Variants in RPF2 observed in about 807,000 individuals in gnomAD.
RPF2 encodes the protein ribosome production factor 2 homolog.
A neutral mutation model predicts 38.9 loss-of-function variants in RPF2; 21 were observed. The observed-to-expected ratio is 0.54, with a 90% CI of 0.38 to 0.78. The LOEUF is 0.78. Among genes scored for constraint, RPF2 ranks in the 30% least tolerant of loss-of-function variants. RPF2 has a pLI of 0.00. For synonymous variants in RPF2, 121 were observed against 126.2 expected (o/e 0.96, Z 0.28); for missense variants, 314 against 358.1 (o/e 0.88, Z 0.99).
intron 7 of RPF2, among the ~76,000 whole-genome samples, chr6:111,012,190 C>T (rs1230423303): frequency 1.6e-5 from 2 of 123,154 alleles, no homozygotes; most frequent in Admixed American, 8.7e-5. Context: ...TTTTTTGAGA[C>T]AGGGTCTCAC....
chr6:110,990,124 G>A (rs1026407831), intron 3 of RPF2, among the ~76,000 whole-genome samples: 1 of 151,506 alleles, frequency 6.6e-6, no homozygotes, highest in African/African-American at 2.4e-5. Flanking sequence ...TTTTAGTAGA[G>A]ACGGGATTTC....
chr6:110,984,062 A>G (rs1400776248), intron 1 of RPF2, among the ~76,000 whole-genome samples: 1 of 152,078 alleles, frequency 6.6e-6, no homozygotes, highest in Admixed American at 6.6e-5. Flanking sequence ...TAAGAATTGT[A>G]ACTCTCAGGA....
rs1211102033 is a variant in RPF2, at chr6:110,997,169, A to C, written c.235-14A>C. On this transcript the variant is annotated splice_polypyrimidine_tract_variant and intron_variant, in intron 4 of 9. Coordinates refer to ENST00000441448, the MANE Select transcript of RPF2 (RefSeq NM_032194.3). ...TTTATGCATGGACTAAATGGGATTTATTTGGTTTTATAGGAATTCTTTTCA... is the reference window on the plus strand; with the variant it reads ...TTTATGCATGGACTAAATGGGATTTCTTTGGTTTTATAGGAATTCTTTTCA... 1 of 1,486,358 alleles carries C rather than the reference A, an allele frequency of 6.7e-7. No homozygotes were observed. Among genetic ancestry groups the C allele is most frequent in the African/African-American group, 1.4e-5 (1 of 72,272 alleles). The allele number at this position is 1,486,358 out of a possible 1,614,324, so 92.1% of individuals were successfully genotyped here. A position where few individuals can be genotyped will look rare whatever the true frequency, so the allele number is the denominator to read the frequency against.
At chr6:110,997,337 C>G (rs925561397) in intron 5 of RPF2, 73 bp downstream of exon 5, 4 of 857,168 alleles carry the variant, frequency 4.7e-6, no homozygotes, top group East Asian at 2.6e-5. Flanking sequence ...TCATACGGGT[C>G]TGCAGCAACT....
At chr6:111,017,773 C>T (rs1205159637) in intron 8 of RPF2, among the ~76,000 whole-genome samples, 1 of 150,712 alleles carries the variant, frequency 6.6e-6, no homozygotes, top group East Asian at 2.1e-4. Flanking sequence ...AGACGATGGG[C>T]AGCCAGGCAG....
chr6:110,983,796 CG>C (rs562941947), intron 1 of RPF2, among the ~76,000 whole-genome samples: 1 of 136,094 alleles, frequency 7.3e-6, no homozygotes, highest in Non-Finnish European at 1.6e-5. Context: ...GAGGCTGAGG[CG>C]GGGGGGTGGG....
At chr6:111,020,164 T>C (rs1419328880) in intron 8 of RPF2, among the ~76,000 whole-genome samples, 2 of 152,250 alleles carry the variant, frequency 1.3e-5, no homozygotes, top group African/African-American at 2.4e-5. Context: ...GTGATCTACC[T>C]GCCTTGGCCT....
chr6:110,988,683 TTG>T lies in RPF2; in HGVS notation c.157-343_157-342del, dbSNP rs1259716024. ...AACTCCTGGGCTTGAGTGATCTGCCTTGTCCTCCCAAAGTGTTGGGATTACAG... is the reference window on the plus strand; with the variant it reads ...AACTCCTGGGCTTGAGTGATCTGCCTTCCTCCCAAAGTGTTGGGATTACAG... On this transcript the variant is annotated intron_variant, in intron 2 of 9. Coordinates refer to ENST00000441448, the MANE Select transcript of RPF2 (RefSeq NM_032194.3). Among the ~76,000 whole-genome samples, 8 of 152,330 alleles carry T rather than the reference TTG, an allele frequency of 5.3e-5. No homozygotes were observed. In the South Asian group the frequency reaches 1.5e-3, roughly 28 times the overall value.
At chr6:111,024,364 A>G (rs1772285994) in intron 9 of RPF2, 37 bp downstream of exon 9, 6 of 1,553,832 alleles carry the variant, frequency 3.9e-6, no homozygotes, top group Non-Finnish European at 5.2e-6. Flanking sequence ...ATTTATTTGT[A>G]TTTTCTACTT....
In RPF2 at chr6:110,997,371, A is replaced by G. The variant is rs891526488; in HGVS notation, c.316+107A>G. On this transcript the variant is annotated intron_variant, in intron 5 of 9. Transcript: ENST00000441448. ...CTTGGTTCTTGCCTCTTCAGAGGAA[A>G]TAATTCATCCAAGAGGCATAGGCAG... 2.1e-5 allele frequency: 14 copies of G among 676,618 alleles called. No homozygotes were observed. The African/African-American group carries it at 2.5e-4, about 12-fold the overall frequency. The allele number at this position is 676,618 out of a possible 1,614,324, so 41.9% of individuals were successfully genotyped here. A position where few individuals can be genotyped will look rare whatever the true frequency, so the allele number is the denominator to read the frequency against.
chr6:111,011,307 TC>T (rs200545186), intron 7 of RPF2, among the ~76,000 whole-genome samples: 6,386 of 125,432 alleles, frequency 0.051, 576 homozygotes, highest in East Asian at 0.43. Flanking sequence ...TTTCTTTCTT[TC>T]TTTTTTTTTT....
At chr6:110,992,320 A>T (rs940369034) in intron 4 of RPF2, among the ~76,000 whole-genome samples, 3 of 152,216 alleles carry the variant, frequency 2.0e-5, no homozygotes, top group Non-Finnish European at 2.9e-5. Flanking sequence ...CAAAAAAAAA[A>T]ATATTTAAAA....
At chr6:110,999,027 G>A (rs1213122035) in intron 5 of RPF2, among the ~76,000 whole-genome samples, 1 of 151,918 alleles carries the variant, frequency 6.6e-6, no homozygotes, top group African/African-American at 2.4e-5. Flanking sequence ...ACAGTGAAGT[G>A]CCACAAGTAA....
At chr6:111,019,437 G>A (rs1303221497) in intron 8 of RPF2, among the ~76,000 whole-genome samples, 1 of 151,868 alleles carries the variant, frequency 6.6e-6, no homozygotes, top group Admixed American at 6.6e-5. Context: ...GAGACTGTCT[G>A]AAAAAAACAA....
At chr6:111,012,310 A>G (rs1490074507) in intron 7 of RPF2, among the ~76,000 whole-genome samples, 2 of 151,822 alleles carry the variant, frequency 1.3e-5, no homozygotes, top group African/African-American at 4.8e-5. Flanking sequence ...AGCTGGGACC[A>G]CAGGTACACG....
At chr6:111,004,554 T>C (rs1053946817) in intron 6 of RPF2, among the ~76,000 whole-genome samples, 1 of 151,882 alleles carries the variant, frequency 6.6e-6, no homozygotes, top group African/African-American at 2.4e-5. Flanking sequence ...TTGGGGTTTT[T>C]TTTTTTTTGG....
intron 6 of RPF2, among the ~76,000 whole-genome samples, chr6:111,001,518 T>C (rs1235207848): frequency 2.6e-5 from 4 of 152,050 alleles, no homozygotes; most frequent in South Asian, 2.1e-4. Context: ...ACTGGGACTA[T>C]AGGTGTGTGC....
intron 7 of RPF2, among the ~76,000 whole-genome samples, chr6:111,014,678 A>G (rs558227574): frequency 1.3e-5 from 2 of 152,224 alleles, no homozygotes; most frequent in South Asian, 4.1e-4. Flanking sequence ...AATGTTATTC[A>G]TGAATTTCCA....
intron 8 of RPF2, among the ~76,000 whole-genome samples, chr6:111,019,596 G>A (rs1772192785): frequency 6.6e-6 from 1 of 151,984 alleles, no homozygotes; most frequent in African/African-American, 2.4e-5. Context: ...AATTGGTCAG[G>A]CATGGTGGTA....
Sources: gnomAD v4.1 joint callset for allele counts (sites outside exome capture counted in the v4.1 genomes callset) on GRCh38, gnomAD v4.1.1 for gene constraint, MANE v1.5 for transcripts, NCBI Gene and HGNC (gene_info 2026-07-23, HGNC 2026-07-21) for gene names.